Variants in SMAP2 observed in about 807,000 individuals in gnomAD.
SMAP2 encodes the protein small ArfGAP2, also known as stromal membrane-associated protein 2.
Under a neutral mutation model 56.4 loss-of-function variants are expected in SMAP2, and 25 were observed. The ratio of observed to expected loss-of-function variants is 0.44; its 90% CI spans 0.32 to 0.62. SMAP2 has a LOEUF of 0.62. Among genes scored for constraint, SMAP2 ranks in the 20% least tolerant of loss-of-function variants. The pLI is 0.04. For missense variants in SMAP2, 388 were observed against 545.6 expected (o/e 0.71, Z 2.88); for synonymous variants, 157 against 181.7 (o/e 0.86, Z 1.09).
At chr1:40,378,736 T>C (rs141582988) in intron 1 of SMAP2, among the ~76,000 whole-genome samples, 7 of 152,356 alleles carry the variant, frequency 4.6e-5, no homozygotes, top group African/African-American at 1.7e-4. Flanking sequence ...TCCCTTCTTC[T>C]GCTACATCCT....
chr1:40,408,621 G>A lies in SMAP2; in HGVS notation c.238-32G>A, dbSNP rs372562969. On this transcript the variant is annotated intron_variant, in intron 2 of 9. Transcript: ENST00000372718. The surrounding 1 kb of genome is among the most constrained non-coding windows in gnomAD (Gnocchi z 4.3). ...TTTTTCAGTTCTTTCTTGATCTGAC[G>A]TTCCATGTTTCTACATTCTCTTTGG... The A allele has an allele frequency of 4.2e-5, 66 of 1,584,692 alleles. No homozygotes were observed. The African/African-American group carries it at 7.1e-4, about 17-fold the overall frequency.
At chr1:40,349,369 C>G (rs1435154100) in intron 1 of SMAP2, among the ~76,000 whole-genome samples, 3 of 152,128 alleles carry the variant, frequency 2.0e-5, no homozygotes, top group African/African-American at 7.2e-5. Context: ...TCACAACCAC[C>G]TTTTTATCCT....
chr1:40,420,184 C>G (rs905900032), intron 9 of SMAP2, among the ~76,000 whole-genome samples: 2 of 152,102 alleles, frequency 1.3e-5, no homozygotes, highest in Admixed American at 6.5e-5. Context: ...TTTCCGTTTT[C>G]TACCTCAATT....
chr1:40,378,091 A>G (rs1644558805), intron 1 of SMAP2, among the ~76,000 whole-genome samples: 1 of 152,224 alleles, frequency 6.6e-6, no homozygotes, highest in Non-Finnish European at 1.5e-5. Flanking sequence ...TTCTGTACAG[A>G]TGCAACCATT....
intron 1 of SMAP2, among the ~76,000 whole-genome samples, chr1:40,347,257 T>G (rs141546340): frequency 1.5e-3 from 118 of 77,304 alleles, no homozygotes; most frequent in Non-Finnish European, 1.6e-3. Context: ...TTTTGTTTTT[T>G]TTTTTTTTTT....
At chr1:40,347,351 A>G (rs1644393702) in intron 1 of SMAP2, among the ~76,000 whole-genome samples, 1 of 151,336 alleles carries the variant, frequency 6.6e-6, no homozygotes, top group Admixed American at 6.6e-5. Context: ...TTGACCTCCC[A>G]AAGTGCTGGG....
chr1:40,410,914 G>A (rs1260261716), intron 4 of SMAP2, among the ~76,000 whole-genome samples: 1 of 152,156 alleles, frequency 6.6e-6, no homozygotes, highest in East Asian at 1.9e-4. Context: ...AGTATTGAGA[G>A]TAAGGGATTC....
At chr1:40,377,142 T>C (rs1049543344) in intron 1 of SMAP2, among the ~76,000 whole-genome samples, 1 of 151,944 alleles carries the variant, frequency 6.6e-6, no homozygotes, top group Non-Finnish European at 1.5e-5. Context: ...AAAAATTAGC[T>C]GGGTGTGGTG....
chr1:40,403,721 G>A (rs984189844), intron 1 of SMAP2: 34 of 878,814 alleles, frequency 3.9e-5, no homozygotes, highest in Non-Finnish European at 4.5e-5. Context: ...ACGTTTTATA[G>A]ATGAGGAAAC....
At chr1:40,357,599 T>C (rs1644442226) in intron 1 of SMAP2, among the ~76,000 whole-genome samples, 2 of 152,206 alleles carry the variant, frequency 1.3e-5, no homozygotes, top group African/African-American at 2.4e-5. Flanking sequence ...TTTGGTTTGA[T>C]TTTCGTATAT....
At chr1:40,387,892 G>C (rs1026027338) in intron 1 of SMAP2, among the ~76,000 whole-genome samples, 9 of 151,874 alleles carry the variant, frequency 5.9e-5, no homozygotes, top group South Asian at 2.1e-4. Flanking sequence ...TGCCGCACTT[G>C]TGGGCCAGCT....
chr1:40,363,481 G>A (rs1168158259), intron 2 of SMAP2, among the ~76,000 whole-genome samples: 1 of 151,874 alleles, frequency 6.6e-6, no homozygotes, highest in Non-Finnish European at 1.5e-5. Context: ...CTATGTGCAT[G>A]TTTTTACTTT....
At chr1:40,389,520 C>T (rs963387636) in intron 1 of SMAP2, among the ~76,000 whole-genome samples, 1 of 152,188 alleles carries the variant, frequency 6.6e-6, no homozygotes, top group South Asian at 2.1e-4. Flanking sequence ...AGCTGAAGAT[C>T]TGTGACACCA....
chr1:40,375,453 AG>A (rs1479087053), intron 1 of SMAP2, among the ~76,000 whole-genome samples: 1 of 152,208 alleles, frequency 6.6e-6, no homozygotes, highest in Non-Finnish European at 1.5e-5. Flanking sequence ...TTGAAGAATA[AG>A]GTTATAAAAG....
chr1:40,406,633 A>AT, intron 1 of SMAP2, 103 bp from the exon 2 acceptor site: 1 of 1,312,162 alleles, frequency 7.6e-7, no homozygotes, highest in Non-Finnish European at 1.0e-6. Context: ...GGTAAAAATT[A>AT]TTTCACTTAT....
chr1:40,394,324 A>T (rs182633874), intron 1 of SMAP2, among the ~76,000 whole-genome samples: 1 of 152,310 alleles, frequency 6.6e-6, no homozygotes, highest in East Asian at 1.9e-4. Context: ...AGCCATCATC[A>T]GTTCACTCCA....
chr1:40,357,099 T>C (rs1474513774), intron 1 of SMAP2, among the ~76,000 whole-genome samples: 1 of 152,008 alleles, frequency 6.6e-6, no homozygotes, highest in South Asian at 2.1e-4. Context: ...GCACATTTTT[T>C]TCCCCATTCT....
At chr1:40,417,968 C>T (rs138881997) in intron 9 of SMAP2, among the ~76,000 whole-genome samples, 29 of 152,210 alleles carry the variant, frequency 1.9e-4, no homozygotes, top group African/African-American at 6.7e-4. Flanking sequence ...AACATGGAAG[C>T]TGACATTTGT....
chr1:40,414,012 C>G (rs1422242300), intron 5 of SMAP2, 147 bp from the exon 6 acceptor site: 1 of 669,084 alleles, frequency 1.5e-6, no homozygotes, highest in Non-Finnish European at 2.6e-6. Flanking sequence ...ATTCTTTCAC[C>G]TAATACTTCC....
Sources: gnomAD v4.1 joint callset for allele counts (sites outside exome capture counted in the v4.1 genomes callset) on GRCh38, gnomAD v4.1.1 for gene constraint, Gnocchi (gnomAD v3.1) non-coding constraint, MANE v1.5 for transcripts, NCBI Gene and HGNC (gene_info 2026-07-23, HGNC 2026-07-21) for gene names.